HSD17B12: variants seen among roughly 807,000 people sequenced by gnomAD.
The protein encoded by HSD17B12 is very-long-chain 3-oxoacyl-CoA reductase.
A neutral mutation model predicts 39.3 loss-of-function variants in HSD17B12; 32 were observed. That is an observed-to-expected ratio of 0.81 (90% CI 0.61 to 1.09). The LOEUF is 1.09. Ranked by LOEUF, HSD17B12 falls within the 50% of genes least tolerant of loss-of-function variation. HSD17B12 has a pLI of 0.00. For synonymous variants in HSD17B12, 150 were observed against 146.7 expected (o/e 1.02, Z -0.16); for missense variants, 342 against 382.9 (o/e 0.89, Z 0.89).
intron 3 of HSD17B12, among the ~76,000 whole-genome samples, chr11:43,760,299 C>G (rs1250510652): frequency 6.6e-6 from 1 of 152,186 alleles, no homozygotes; most frequent in African/African-American, 2.4e-5. Context: ...ATCCTCCCAC[C>G]TTGGCCCCCC....
At chr11:43,839,312 T>G (rs1466480839) in intron 8 of HSD17B12, among the ~76,000 whole-genome samples, 2 of 152,108 alleles carry the variant, frequency 1.3e-5, no homozygotes, top group Non-Finnish European at 2.9e-5. Context: ...TAGGCAAATT[T>G]AAAATGAATG....
the HSD17B12 span, among the ~76,000 whole-genome samples, chr11:43,563,908 C>T: frequency 2.9e-3 from 445 of 152,134 alleles, 2 homozygotes; most frequent in African/African-American, 0.01. Context: ...TACTGCAATA[C>T]ATTCTTTTTT....
the HSD17B12 span, among the ~76,000 whole-genome samples, chr11:43,560,200 G>A: frequency 2.6e-5 from 4 of 152,040 alleles, no homozygotes; most frequent in Admixed American, 6.5e-5. Context: ...TTCATATGTC[G>A]CATATGCATA....
chr11:43,665,403 G>T, the HSD17B12 span, among the ~76,000 whole-genome samples: 1 of 152,008 alleles, frequency 6.6e-6, no homozygotes, highest in Admixed American at 6.6e-5. Context: ...ATTTTTTGTA[G>T]AGACAGGATC....
intron 1 of HSD17B12, among the ~76,000 whole-genome samples, chr11:43,690,001 G>A (rs1047675245): frequency 4.0e-5 from 6 of 151,722 alleles, no homozygotes; most frequent in Non-Finnish European, 5.9e-5. Flanking sequence ...TCCTCTTCAC[G>A]GAATGCTCTT....
rs144521560 is a variant in HSD17B12 at position 43,697,805 on chromosome 11, G to A, written c.160+16818G>A. 2.6e-3 allele frequency among the ~76,000 whole-genome samples: 395 copies of A among 152,294 alleles called. 4 individuals carry two copies. The highest frequency in any genetic ancestry group is 3.4e-3 in the Non-Finnish European group (234 of 68,030). On this transcript the variant is annotated intron_variant, in intron 1 of 10. Transcript: ENST00000278353. ...GGGCTGAGAATCCTGAGAGGAGAGA[G>A]GCAATAGATAAGACTAGAGAAATGT...
chr11:43,627,026 G>A, the HSD17B12 span, among the ~76,000 whole-genome samples: 2 of 152,074 alleles, frequency 1.3e-5, no homozygotes, highest in African/African-American at 2.4e-5. Context: ...TCTACCTGAC[G>A]TTTGCAAACA....
At chr11:43,637,571 C>T in the HSD17B12 span, among the ~76,000 whole-genome samples, 1 of 152,050 alleles carries the variant, frequency 6.6e-6, no homozygotes, top group South Asian at 2.1e-4. Context: ...TTAACAGATC[C>T]TCTATTGGGT....
At chr11:43,567,584 C>CTG in the HSD17B12 span, among the ~76,000 whole-genome samples, 8 of 152,188 alleles carry the variant, frequency 5.3e-5, no homozygotes, top group Non-Finnish European at 1.0e-4. Context: ...GCTCCCTCTA[C>CTG]TGGCTCTTTG....
chr11:43,594,828 CA>C, the HSD17B12 span, among the ~76,000 whole-genome samples: 1 of 151,946 alleles, frequency 6.6e-6, no homozygotes, highest in Non-Finnish European at 1.5e-5. Context: ...TGTACCCAAC[CA>C]AAAAAAGATT....
chr11:43,632,819 T>C, the HSD17B12 span, among the ~76,000 whole-genome samples: 1 of 152,212 alleles, frequency 6.6e-6, no homozygotes, highest in South Asian at 2.1e-4. Flanking sequence ...GCATGTCTTT[T>C]AGACGAGATT....
chr11:43,630,108 C>T, the HSD17B12 span, among the ~76,000 whole-genome samples: 1 of 152,026 alleles, frequency 6.6e-6, no homozygotes, highest in Middle Eastern at 3.2e-3. Flanking sequence ...TGGGTTAATA[C>T]TCTATCTGGC....
the HSD17B12 span, among the ~76,000 whole-genome samples, chr11:43,612,398 T>G: frequency 6.6e-6 from 1 of 152,186 alleles, no homozygotes; most frequent in Non-Finnish European, 1.5e-5. Flanking sequence ...TATTGGGATC[T>G]GTGGGAAAGT....
At chr11:43,655,403 C>A in the HSD17B12 span, among the ~76,000 whole-genome samples, 1 of 152,180 alleles carries the variant, frequency 6.6e-6, no homozygotes, top group East Asian at 1.9e-4. Flanking sequence ...TTATTTCCTT[C>A]TCCTGCCTGA....
At chr11:43,666,613 G>A in the HSD17B12 span, among the ~76,000 whole-genome samples, 1 of 152,182 alleles carries the variant, frequency 6.6e-6, no homozygotes, top group Admixed American at 6.5e-5. Flanking sequence ...CAAAGTGCTG[G>A]CCTATTTTTC....
chr11:43,753,855 C>G (rs1199489923), intron 2 of HSD17B12, among the ~76,000 whole-genome samples, 191 bp from the exon 3 acceptor site: 1 of 152,104 alleles, frequency 6.6e-6, no homozygotes, highest in Non-Finnish European at 1.5e-5. Context: ...TAAATACTAG[C>G]TTGGCTTAGA....
chr11:43,619,259 T>TA, the HSD17B12 span, among the ~76,000 whole-genome samples: 12 of 82,058 alleles, frequency 1.5e-4, no homozygotes, highest in South Asian at 1.7e-3. Flanking sequence ...TATATATATA[T>TA]TTTATATATA....
the HSD17B12 span, among the ~76,000 whole-genome samples, chr11:43,566,637 C>T: frequency 3.9e-5 from 6 of 152,188 alleles, no homozygotes; most frequent in African/African-American, 1.4e-4. Context: ...TCAAGCAATT[C>T]TCCTACCTCA....
At chr11:43,775,680 C>A in intron 3 of HSD17B12, among the ~76,000 whole-genome samples, 1 of 151,318 alleles carries the variant, frequency 6.6e-6, no homozygotes, top group Non-Finnish European at 1.5e-5. Context: ...CATATGTATA[C>A]ATGTGCCATG....
Sources: gnomAD v4.1 joint callset for allele counts (sites outside exome capture counted in the v4.1 genomes callset) on GRCh38, gnomAD v4.1.1 for gene constraint, MANE v1.5 for transcripts, NCBI Gene and HGNC (gene_info 2026-07-23, HGNC 2026-07-21) for gene names.